Variants in NUP88 observed in about 807,000 individuals in gnomAD.
NUP88 encodes nucleoporin 88.
Under a neutral mutation model 93.9 loss-of-function variants are expected in NUP88, and 57 were observed. That is an observed-to-expected ratio of 0.61 (90% CI 0.49 to 0.76). The LOEUF (loss-of-function observed/expected upper bound fraction) is 0.76, where lower values mean the gene tolerates loss of function less well. Among genes scored for constraint, NUP88 ranks in the 30% least tolerant of loss-of-function variants. The probability of loss-of-function intolerance (pLI) is 0.00; values close to 1 mark genes in which losing one functional copy is unlikely to be tolerated. For synonymous variants in NUP88, 346 were observed against 336.8 expected, an observed-to-expected ratio of 1.03 and a Z score of -0.30; for missense variants, 911 against 901.0, an observed-to-expected ratio of 1.01 and a Z score of -0.14.
chr17:5,414,278 C>G (rs1427870240), intron 2 of NUP88, 144 bp from the exon 3 acceptor site: 1 of 594,368 alleles, frequency 1.7e-6, no homozygotes, highest in African/African-American at 1.9e-5. Context: ...TCACTGCAAC[C>G]TCCGCCTCCC....
intron 3 of NUP88, among the ~76,000 whole-genome samples, chr17:5,413,717 T>C (rs548005390): frequency 6.6e-6 from 1 of 152,340 alleles, no homozygotes; most frequent in African/African-American, 2.4e-5. Context: ...CTTTCCTTTA[T>C]GCTACATTAT....
intron 4 of NUP88, among the ~76,000 whole-genome samples, chr17:5,410,172 T>C (rs890936463): frequency 6.6e-6 from 1 of 152,242 alleles, no homozygotes; most frequent in African/African-American, 2.4e-5. Flanking sequence ...GCTATAGCTA[T>C]AGGAGATTAC....
In NUP88 at chr17:5,410,745, AT is replaced by A. The variant is rs772267425; in HGVS notation, c.637del (p.Ile213TyrfsTer10). 19 of 1,612,944 alleles carry A rather than the reference AT, an allele frequency of 1.2e-5. No individual in the cohort carries two copies. Among genetic ancestry groups the A allele is most frequent in the Non-Finnish European group, 1.5e-5 (18 of 1,179,232 alleles). Reference sequence around the variant, plus strand: ...ACTTTCCTCTTCGGCTTCTGAAAGTATTATCACGTTAGTGGGTGTCTGCGGC... The same window carrying A: ...ACTTTCCTCTTCGGCTTCTGAAAGTATATCACGTTAGTGGGTGTCTGCGGC... ...REPQTPTNVIILSEAEEESLV... is the reference protein window; with the variant it reads ...REPQTPTNVIXLSEAEEESLV... On this transcript the variant is annotated frameshift_variant, in exon 4 of 17. Coordinates refer to ENST00000573584, the MANE Select transcript of NUP88 (RefSeq NM_002532.6). LOFTEE classifies it high-confidence loss of function.
chr17:5,392,955 AT>A (rs562039685), intron 9 of NUP88, among the ~76,000 whole-genome samples: 31 of 147,434 alleles, frequency 2.1e-4, no homozygotes, highest in East Asian at 5.9e-4. Flanking sequence ...ACAGTGGCTA[AT>A]TTTTTTTTTT....
intron 3 of NUP88, 42 bp from the exon 4 acceptor site, chr17:5,410,831 T>C (rs1447235150): frequency 7.5e-7 from 1 of 1,337,276 alleles, no homozygotes; most frequent in African/African-American, 1.5e-5. Flanking sequence ...TAAAATTCTG[T>C]TTTCATTTCC....
intron 3 of NUP88, among the ~76,000 whole-genome samples, chr17:5,413,274 G>A (rs1304548780): frequency 6.6e-6 from 1 of 152,160 alleles, no homozygotes. Context: ...AACCAGCCAA[G>A]ATGAGTTTTA....
At chr17:5,388,663 C>T (rs1431238826) in intron 11 of NUP88, 139 bp downstream of exon 11, 20 of 710,222 alleles carry the variant, frequency 2.8e-5, no homozygotes, top group Non-Finnish European at 4.1e-5. Context: ...CATTCACTAG[C>T]TGATCAAATA....
intron 10 of NUP88, among the ~76,000 whole-genome samples, chr17:5,391,118 A>G (rs1362398492): frequency 6.6e-6 from 1 of 152,150 alleles, no homozygotes; most frequent in Non-Finnish European, 1.5e-5. Flanking sequence ...CTGTGACTTC[A>G]GCATTTACTA....
intron 2 of NUP88, among the ~76,000 whole-genome samples, chr17:5,414,422 C>G (rs534139249): frequency 6.6e-6 from 1 of 151,924 alleles, no homozygotes; most frequent in South Asian, 2.1e-4. Flanking sequence ...CTCAAACTCC[C>G]GACCTCAGGT....
At chr17:5,399,894 C>T (rs1030548003) in intron 7 of NUP88, among the ~76,000 whole-genome samples, 11 of 151,854 alleles carry the variant, frequency 7.2e-5, no homozygotes, top group African/African-American at 2.2e-4. Flanking sequence ...TGCAATAAAG[C>T]GAATACAGAA....
intron 7 of NUP88, among the ~76,000 whole-genome samples, chr17:5,402,489 A>C (rs1007210252): frequency 6.6e-6 from 1 of 152,196 alleles, no homozygotes; most frequent in Non-Finnish European, 1.5e-5. Context: ...AAATCTCAAA[A>C]TACCTTAATT....
At chr17:5,387,563 G>T in intron 13 of NUP88, 42 bp downstream of exon 13, 1 of 1,598,048 alleles carries the variant, frequency 6.3e-7, no homozygotes, top group Non-Finnish European at 8.6e-7. Flanking sequence ...TATGGTTCCA[G>T]TCTTACTGAC....
chr17:5,410,794 C>A lies in NUP88; in HGVS notation c.594-5G>T. On this transcript the variant is annotated splice_polypyrimidine_tract_variant and splice_region_variant and intron_variant, in intron 3 of 16. Transcript: ENST00000573584. Reference sequence around the variant, plus strand: ...GGCTCACGTAGTGAGTAAATTCTAGCAACCAAAAGAGAAGAAAACCAGCAC... The same window carrying A: ...GGCTCACGTAGTGAGTAAATTCTAGAAACCAAAAGAGAAGAAAACCAGCAC... The A allele has an allele frequency of 1.3e-6, 2 of 1,578,868 alleles. No homozygotes were observed. Among genetic ancestry groups the A allele is most frequent in the Non-Finnish European group, 8.6e-7 (1 of 1,159,562 alleles).
chr17:5,387,052 G>A lies in NUP88; in HGVS notation c.1975C>T (p.Arg659Ter), dbSNP rs773202236. ...AGCTGTAATTCTTTCTTCATGTCTC[G>A]CTCACTATCAGAGAGAACTGGGAGC... ...SELPVLSDSE[R>*]DMKKELQLIP... is the part of the protein sequence containing the mutation. Residue 659 changes from arginine to a stop codon, truncating the protein, a stop_gained, in exon 15 of 17, where the codon CGA becomes TGA. Transcript: ENST00000573584. LOFTEE classifies it high-confidence loss of function. The A allele has an allele frequency of 1.2e-6, 2 of 1,613,776 alleles. No individual in the cohort carries two copies. Among genetic ancestry groups the A allele is most frequent in the African/African-American group, 1.3e-5 (1 of 75,012 alleles).
At chr17:5,387,244 G>T in intron 14 of NUP88, 134 bp from the exon 15 acceptor site, 1 of 1,266,572 alleles carries the variant, frequency 7.9e-7, no homozygotes, top group Non-Finnish European at 1.1e-6. Flanking sequence ...AGAGCCTCAT[G>T]TTTTCCCCAA....
intron 16 of NUP88, 65 bp from the exon 17 acceptor site, chr17:5,386,334 A>C: frequency 8.1e-7 from 1 of 1,231,614 alleles, no homozygotes; most frequent in African/African-American, 1.5e-5. Context: ...ATTCTTAAGA[A>C]TTTAAACTGG....
intron 3 of NUP88, among the ~76,000 whole-genome samples, chr17:5,413,639 A>G (rs1003242148): frequency 1.3e-5 from 2 of 152,248 alleles, no homozygotes; most frequent in Non-Finnish European, 2.9e-5. Context: ...AAAAAGCTCA[A>G]GATCTCAAAG....
intron 7 of NUP88, among the ~76,000 whole-genome samples, chr17:5,401,644 C>T (rs1221729063): frequency 1.3e-5 from 2 of 152,120 alleles, no homozygotes; most frequent in Non-Finnish European, 2.9e-5. Flanking sequence ...GTTTAAAAAA[C>T]CCTCATCTAT....
chr17:5,418,990 C>T (rs945780532), intron 1 of NUP88, among the ~76,000 whole-genome samples: 3 of 152,132 alleles, frequency 2.0e-5, no homozygotes, highest in Non-Finnish European at 4.4e-5. Context: ...GTGCACAACG[C>T]AAGAGAAAGT....
Sources: gnomAD v4.1 joint callset for allele counts (sites outside exome capture counted in the v4.1 genomes callset) on GRCh38, gnomAD v4.1.1 for gene constraint, MANE v1.5 for transcripts, NCBI Gene and HGNC (gene_info 2026-07-23, HGNC 2026-07-21) for gene names.